The following SNTG2 variants were observed in gnomAD, a reference collection of about 807,000 sequenced individuals.
SNTG2 encodes syntrophin gamma 2, also known as gamma-2-syntrophin.
Under a neutral mutation model 70.9 loss-of-function variants are expected in SNTG2, and 74 were observed. That is an observed-to-expected ratio of 1.04 (90% CI 0.86 to 1.27). The LOEUF is 1.27. Ranked by LOEUF, SNTG2 falls within the 50% of genes most tolerant of loss-of-function variation. The pLI, the probability that SNTG2 is intolerant of heterozygous loss-of-function variation, is 0.00. For synonymous variants in SNTG2, 278 were observed against 273.8 expected, an observed-to-expected ratio of 1.02 and a Z score of -0.15; for missense variants, 717 against 690.7, an observed-to-expected ratio of 1.04 and a Z score of -0.43.
chr2:1,079,839 A>G (rs1664166029), intron 1 of SNTG2, among the ~76,000 whole-genome samples: 1 of 152,232 alleles, frequency 6.6e-6, no homozygotes, highest in African/African-American at 2.4e-5. Flanking sequence ...TCAAGATATA[A>G]CATCGATCAA....
intron 1 of SNTG2, among the ~76,000 whole-genome samples, chr2:1,023,559 A>T (rs895708941): frequency 1.3e-5 from 2 of 149,176 alleles, no homozygotes; most frequent in African/African-American, 4.9e-5. Flanking sequence ...TATTATTATT[A>T]TTTTTATTTA....
At chr2:1,124,747 C>T (rs1667601646) in intron 4 of SNTG2, among the ~76,000 whole-genome samples, 1 of 152,040 alleles carries the variant, frequency 6.6e-6, no homozygotes, top group Admixed American at 6.6e-5. Context: ...GTCAAACACG[C>T]AGAGAAGGAG....
At chr2:1,265,605 G>A (rs551293232) in intron 13 of SNTG2, among the ~76,000 whole-genome samples, 17 of 152,356 alleles carry the variant, frequency 1.1e-4, no homozygotes, top group South Asian at 4.1e-4. Flanking sequence ...CACACCAGTC[G>A]TAGCTTTTAC....
chr2:1,361,460 C>A (rs1375630141), intron 16 of SNTG2, among the ~76,000 whole-genome samples: 12 of 152,212 alleles, frequency 7.9e-5, no homozygotes, highest in African/African-American at 2.9e-4. Context: ...GCAAAAGTAT[C>A]CCGCCTTCTT....
intron 16 of SNTG2, among the ~76,000 whole-genome samples, chr2:1,350,703 A>T (rs1310561992): frequency 6.6e-6 from 1 of 152,210 alleles, no homozygotes. Flanking sequence ...ATTTTATTAA[A>T]TGAGAAAATA....
At chr2:987,621 G>A (rs974781862) in intron 1 of SNTG2, among the ~76,000 whole-genome samples, 3 of 152,050 alleles carry the variant, frequency 2.0e-5, no homozygotes, top group African/African-American at 7.2e-5. Context: ...CCCTTCTGAC[G>A]CCTCGATTTC....
intron 8 of SNTG2, among the ~76,000 whole-genome samples, chr2:1,189,309 G>A (rs1672433418): frequency 6.6e-6 from 1 of 152,258 alleles, no homozygotes; most frequent in African/African-American, 2.4e-5. Context: ...TCTTCCAAGT[G>A]CATGTATACA....
intron 4 of SNTG2, among the ~76,000 whole-genome samples, chr2:1,137,163 A>G (rs1365866058): frequency 6.6e-6 from 1 of 152,218 alleles, no homozygotes; most frequent in African/African-American, 2.4e-5. Context: ...GCCTATTGCT[A>G]TGTGTTCACA....
intron 9 of SNTG2, among the ~76,000 whole-genome samples, chr2:1,225,800 C>T (rs1558562342): frequency 6.6e-6 from 1 of 152,314 alleles, no homozygotes; most frequent in South Asian, 2.1e-4. Flanking sequence ...AGGGATGATT[C>T]GTCCTGCTCT....
chr2:1,312,601 C>T (rs9677943), intron 15 of SNTG2, among the ~76,000 whole-genome samples: 57,564 of 152,058 alleles, frequency 0.38, 11,343 homozygotes, highest in Middle Eastern at 0.52. Context: ...GCAGAACCAC[C>T]GCAGGATTCA....
At chr2:993,241 A>G (rs1661565233) in intron 1 of SNTG2, among the ~76,000 whole-genome samples, 1 of 81,756 alleles carries the variant, frequency 1.2e-5, no homozygotes, top group Non-Finnish European at 2.4e-5. Context: ...CGACCCCACC[A>G]CAGTCCCCAG....
chr2:1,301,767 A>C (rs965184110), intron 14 of SNTG2, among the ~76,000 whole-genome samples: 4 of 152,196 alleles, frequency 2.6e-5, no homozygotes, highest in Non-Finnish European at 4.4e-5. Context: ...AATTAAAAAA[A>C]TTGAAACATT....
At chr2:1,071,683 G>C (rs1242855790) in intron 1 of SNTG2, among the ~76,000 whole-genome samples, 5 of 151,962 alleles carry the variant, frequency 3.3e-5, no homozygotes, top group Non-Finnish European at 7.4e-5. Context: ...ATCAAGCTTA[G>C]TGAGGGTGTC....
intron 1 of SNTG2, among the ~76,000 whole-genome samples, chr2:1,014,504 G>A (rs558675194): frequency 2.5e-5 from 2 of 81,118 alleles, no homozygotes; most frequent in African/African-American, 4.2e-5. Context: ...TCTGGAGAGG[G>A]ATTTATATGG....
Position 1,165,801 on chromosome 2 carries a change from CGTT to C in SNTG2, c.499+169_499+171del, listed in dbSNP as rs1464836544. Among the ~76,000 whole-genome samples the C allele has an allele frequency of 3.3e-5, 5 of 152,284 alleles. No individual in the cohort carries two copies. The East Asian group carries it at 7.7e-4, about 24-fold the overall frequency. On this transcript the variant is annotated intron_variant, in intron 7 of 16. Coordinates refer to ENST00000308624, the MANE Select transcript of SNTG2 (RefSeq NM_018968.4). ...ACCGTGGCATCATGTAGTCCCATGA[CGTT>C]GTATGTTTTAACACATCCACGGGCT...
chr2:1,291,062 G>A (rs1466848029), intron 14 of SNTG2, among the ~76,000 whole-genome samples: 2 of 152,196 alleles, frequency 1.3e-5, no homozygotes, highest in African/African-American at 4.8e-5. Flanking sequence ...CAGGTGTGAG[G>A]TGGCATCTCA....
chr2:1,161,590 A>G (rs984000621), intron 6 of SNTG2: 18 of 152,226 alleles, frequency 1.2e-4, no homozygotes, highest in African/African-American at 3.9e-4. Context: ...AGTAGCATCA[A>G]TGGTCAACAT....
At chr2:1,022,187 C>T (rs1165309973) in intron 1 of SNTG2, among the ~76,000 whole-genome samples, 2 of 152,062 alleles carry the variant, frequency 1.3e-5, no homozygotes, top group Non-Finnish European at 2.9e-5. Context: ...GAAAGGAAAT[C>T]CTGCGCTCCT....
At chr2:1,203,187 T>C (rs1220796274) in intron 8 of SNTG2, among the ~76,000 whole-genome samples, 2 of 152,174 alleles carry the variant, frequency 1.3e-5, no homozygotes, top group Non-Finnish European at 2.9e-5. Flanking sequence ...TACTTAGGAC[T>C]AAAAAGATTT....
Sources: gnomAD v4.1 joint callset for allele counts (sites outside exome capture counted in the v4.1 genomes callset) on GRCh38, gnomAD v4.1.1 for gene constraint, MANE v1.5 for transcripts, NCBI Gene and HGNC (gene_info 2026-07-23, HGNC 2026-07-21) for gene names.